Variants in CADM2 observed in about 807,000 individuals in gnomAD.
CADM2 encodes the protein immunoglobulin superfamily member 4D.
CADM2 carries 12 observed loss-of-function variants against 49.8 expected under a neutral mutation model. That is an observed-to-expected ratio of 0.24 (90% CI 0.15 to 0.39). CADM2 has a LOEUF of 0.39. Ranked by LOEUF, CADM2 falls within the 10% of genes least tolerant of loss-of-function variation. The pLI is 1.00. For synonymous variants in CADM2, 214 were observed against 175.4 expected (o/e 1.22, Z -1.74); for missense variants, 378 against 492.3 (o/e 0.77, Z 2.20).
chr3:85,462,626 G>A (rs1392625255), intron 1 of CADM2, among the ~76,000 whole-genome samples: 3 of 152,038 alleles, frequency 2.0e-5, no homozygotes, highest in Non-Finnish European at 4.4e-5. Flanking sequence ...AAAAACACTA[G>A]CATCATATCT....
intron 1 of CADM2, among the ~76,000 whole-genome samples, chr3:85,264,793 T>C (rs1178622358): frequency 6.6e-6 from 1 of 152,098 alleles, no homozygotes; most frequent in Non-Finnish European, 1.5e-5. Context: ...TTATTTGTTT[T>C]AAATATAATT....
intron 2 of CADM2, among the ~76,000 whole-genome samples, chr3:85,779,330 G>A (rs1215729425): frequency 6.6e-6 from 1 of 151,870 alleles, no homozygotes; most frequent in Non-Finnish European, 1.5e-5. Flanking sequence ...CTGCAGTTTT[G>A]CGCTGAGCAT....
intron 2 of CADM2, among the ~76,000 whole-genome samples, chr3:85,801,199 T>C (rs181520508): frequency 4.3e-4 from 66 of 152,222 alleles, no homozygotes; most frequent in African/African-American, 1.3e-3. Flanking sequence ...GATTAAACTA[T>C]TAGAAGTGCA....
At chr3:86,044,225 C>T (rs1736340307) in intron 8 of CADM2, among the ~76,000 whole-genome samples, 1 of 152,132 alleles carries the variant, frequency 6.6e-6, no homozygotes, top group Non-Finnish European at 1.5e-5. Flanking sequence ...TCTAATTAAA[C>T]TAAAGAGCTT....
At chr3:85,984,128 T>C (rs372588424) in intron 8 of CADM2, among the ~76,000 whole-genome samples, 1 of 149,962 alleles carries the variant, frequency 6.7e-6, no homozygotes, top group East Asian at 2.0e-4. Context: ...TGTGTACAAT[T>C]ATTCCGATTA....
At chr3:85,323,261 A>G (rs527347553) in intron 1 of CADM2, among the ~76,000 whole-genome samples, 49 of 152,260 alleles carry the variant, frequency 3.2e-4, no homozygotes, top group Middle Eastern at 3.4e-3. Context: ...GGCTAAATTC[A>G]AAGGAAATCC....
At chr3:85,182,958 T>G (rs914381663) in intron 1 of CADM2, among the ~76,000 whole-genome samples, 25 of 152,146 alleles carry the variant, frequency 1.6e-4, no homozygotes, top group African/African-American at 5.8e-4. Context: ...ATGTTTAGAC[T>G]GTATCATTTA....
At chr3:85,564,412 C>T (rs564211125) in intron 1 of CADM2, among the ~76,000 whole-genome samples, 13 of 152,068 alleles carry the variant, frequency 8.5e-5, no homozygotes, top group African/African-American at 1.2e-4. Context: ...GAGTCTAGCA[C>T]GGGTATTTAT....
chr3:85,152,826 G>C (rs149161438), intron 1 of CADM2, among the ~76,000 whole-genome samples: 2 of 151,902 alleles, frequency 1.3e-5, no homozygotes, highest in African/African-American at 4.8e-5. Context: ...TTTGCCGGGC[G>C]TGGTGGCGGG....
chr3:85,522,789 T>C (rs1156959106), intron 1 of CADM2, among the ~76,000 whole-genome samples: 1 of 151,864 alleles, frequency 6.6e-6, no homozygotes, highest in Non-Finnish European at 1.5e-5. Context: ...TCTGAGGAAT[T>C]TGGGTTTACA....
intron 1 of CADM2, among the ~76,000 whole-genome samples, chr3:85,184,565 C>G (rs1305797644): frequency 6.6e-6 from 1 of 152,040 alleles, no homozygotes; most frequent in Admixed American, 6.6e-5. Context: ...AAGACATGCT[C>G]TCTTTCCTTA....
In CADM2 at chr3:85,477,874, T is replaced by C. The variant is rs543114325; in HGVS notation, c.62-248648T>C. Reference sequence around the variant, plus strand: ...TAAACTAGTGTGTAAATAACACCAGTGGAGGTTTTCAGTAAAGCACTAAAA... The same window carrying C: ...TAAACTAGTGTGTAAATAACACCAGCGGAGGTTTTCAGTAAAGCACTAAAA... On this transcript the variant is annotated intron_variant, in intron 1 of 9. Transcript: ENST00000383699. Among the ~76,000 whole-genome samples the C allele has an allele frequency of 5.1e-4, 77 of 152,016 alleles. 3 individuals are homozygous for C. In the South Asian group the frequency reaches 0.015, roughly 29 times the overall value.
intron 8 of CADM2, among the ~76,000 whole-genome samples, chr3:86,054,637 T>C (rs981424862): frequency 6.6e-6 from 1 of 152,110 alleles, no homozygotes; most frequent in African/African-American, 2.4e-5. Context: ...ATACTAAGTA[T>C]TTAAAAAATT....
chr3:85,408,549 T>G (rs536178337), intron 1 of CADM2, among the ~76,000 whole-genome samples: 11 of 152,180 alleles, frequency 7.2e-5, no homozygotes, highest in African/African-American at 1.4e-4. Flanking sequence ...ATATGTTCTA[T>G]TTTTTGCCAC....
At chr3:85,235,827 T>C (rs776045900) in intron 1 of CADM2, among the ~76,000 whole-genome samples, 10 of 152,124 alleles carry the variant, frequency 6.6e-5, no homozygotes, top group Non-Finnish European at 1.2e-4. Context: ...AACTATGTGG[T>C]TTGTAATTAA....
rs767172536 is a variant in CADM2 at position 85,505,947 on chromosome 3, T to G, written c.62-220575T>G. On this transcript the variant is annotated intron_variant, in intron 1 of 9. Transcript: ENST00000383699. ...AGCTTTAATATTTTTTTGCTATAGG[T>G]CAAGTTTTCCTTTATCTGACATGTC... Among the ~76,000 whole-genome samples the G allele has an allele frequency of 2.8e-4, 42 of 152,314 alleles. No homozygotes were observed. In the Middle Eastern group the frequency reaches 0.014, roughly 49 times the overall value.
rs149872497 is a variant in CADM2 at position 85,225,629 on chromosome 3, A to G, written c.61+265961A>G. On this transcript the variant is annotated intron_variant, in intron 1 of 9. Transcript: ENST00000383699. Reference sequence around the variant, plus strand: ...TCTGATTGCCCTGGCAAGAACTTCCAATACTATATTCAATAGGAATGGTGA... The same window carrying G: ...TCTGATTGCCCTGGCAAGAACTTCCGATACTATATTCAATAGGAATGGTGA... Among the ~76,000 whole-genome samples the G allele has an allele frequency of 3.1e-3, 466 of 152,328 alleles. 1 individual carries two copies. Among genetic ancestry groups the G allele is most frequent in the Middle Eastern group, 0.01 (3 of 294 alleles).
chr3:85,364,995 A>T (rs950498667), intron 1 of CADM2, among the ~76,000 whole-genome samples: 1 of 152,214 alleles, frequency 6.6e-6, no homozygotes, highest in Non-Finnish European at 1.5e-5. Flanking sequence ...CCTAATGCAA[A>T]CATGGTTAGC....
chr3:84,963,194 T>A (rs1193491501), intron 1 of CADM2, among the ~76,000 whole-genome samples: 1 of 152,200 alleles, frequency 6.6e-6, no homozygotes, highest in East Asian at 1.9e-4. Context: ...TCCCTCATCA[T>A]AGAAAGAGGA....
Sources: gnomAD v4.1 joint callset for allele counts (sites outside exome capture counted in the v4.1 genomes callset) on GRCh38, gnomAD v4.1.1 for gene constraint, MANE v1.5 for transcripts, NCBI Gene and HGNC (gene_info 2026-07-23, HGNC 2026-07-21) for gene names.